The following FAM114A2 variants were observed in gnomAD, a reference collection of about 807,000 sequenced individuals.
FAM114A2 encodes the protein family with sequence similarity 114 member A2.
FAM114A2 carries 53 observed loss-of-function variants against 58.4 expected under a neutral mutation model. That is an observed-to-expected ratio of 0.91 (90% confidence interval 0.73 to 1.14). The LOEUF is 1.14. FAM114A2 is among the 50% of genes most tolerant of loss of function. The pLI is 0.00. For missense variants in FAM114A2, 601 were observed against 581.1 expected (o/e 1.03, Z -0.35); for synonymous variants, 228 against 211.4 (o/e 1.08, Z -0.68).
chr5:154,033,900 C>T lies in FAM114A2; in HGVS notation c.311-17G>A. On this transcript the variant is annotated splice_polypyrimidine_tract_variant and intron_variant, in intron 3 of 13. Transcript: ENST00000351797. ...TGCCTTGTCCTAATGAGAAAAATAA[C>T]TTTTTTTTTTGCTATTTGTCACCAA... 1.4e-6 allele frequency: 2 copies of T among 1,406,364 alleles called. No individual in the cohort carries two copies. The highest frequency in any genetic ancestry group is 1.3e-5 in the South Asian group (1 of 76,530). The allele number at this position is 1,406,364 out of a possible 1,614,324, so 87.1% of individuals were successfully genotyped here. A position where few individuals can be genotyped will look rare whatever the true frequency, so the allele number is the denominator to read the frequency against.
In FAM114A2 at chr5:154,027,067, C is replaced by T. The variant is rs928136162; in HGVS notation, c.789+109G>A. The T allele has an allele frequency of 2.1e-5, 19 of 884,144 alleles. No individual in the cohort carries two copies. The East Asian group carries it at 4.8e-4, about 22-fold the overall frequency. The allele number at this position is 884,144 out of a possible 1,614,324, so 54.8% of individuals were successfully genotyped here. ...GTAGTATTTCGAAGGCATCTCAAGCCTCTAACAAAACATACACTTCATCTT... is the reference window on the plus strand; with the variant it reads ...GTAGTATTTCGAAGGCATCTCAAGCTTCTAACAAAACATACACTTCATCTT... On this transcript the variant is annotated intron_variant, in intron 7 of 13. Coordinates refer to ENST00000351797, the MANE Select transcript of FAM114A2 (RefSeq NM_018691.4).
chr5:153,997,766 G>C (rs200022226), intron 12 of FAM114A2, 37 bp downstream of exon 12: 1 of 1,217,734 alleles, frequency 8.2e-7, no homozygotes, highest in Non-Finnish European at 1.2e-6. Flanking sequence ...AAAGAAACCA[G>C]ACAAACATTA....
chr5:154,003,177 G>GTTTTTTTTTTTTTTTT (rs1554081252), intron 9 of FAM114A2, among the ~76,000 whole-genome samples: 1 of 134,882 alleles, frequency 7.4e-6, no homozygotes. Context: ...CTAATTGGTA[G>GTTTTTTTTTTTTTTTT]TATTTTTTTT....
intron 9 of FAM114A2, among the ~76,000 whole-genome samples, chr5:154,006,689 T>TA (rs1294844553): frequency 6.6e-6 from 1 of 150,574 alleles, no homozygotes; most frequent in Non-Finnish European, 1.5e-5. Context: ...ACAAATTGAG[T>TA]AAAAAAATGA....
At chr5:154,032,212 C>A (rs1307326674) in intron 4 of FAM114A2, among the ~76,000 whole-genome samples, 1 of 152,138 alleles carries the variant, frequency 6.6e-6, no homozygotes, top group Non-Finnish European at 1.5e-5. Flanking sequence ...AGTCACCAGA[C>A]CCTCTTCAAA....
intron 8 of FAM114A2, among the ~76,000 whole-genome samples, chr5:154,012,390 T>C (rs1331645662): frequency 6.6e-6 from 1 of 152,190 alleles, no homozygotes; most frequent in Non-Finnish European, 1.5e-5. Context: ...CTGAATCCTA[T>C]ACACTCCCCA....
chr5:154,034,467 T>C, intron 2 of FAM114A2, 90 bp from the exon 3 acceptor site: 2 of 780,586 alleles, frequency 2.6e-6, no homozygotes, highest in South Asian at 3.8e-5. Flanking sequence ...TATCTAATTA[T>C]TAGCCAAAAG....
chr5:154,033,337 A>T (rs957058328), intron 4 of FAM114A2, among the ~76,000 whole-genome samples: 4 of 152,224 alleles, frequency 2.6e-5, no homozygotes, highest in African/African-American at 9.7e-5. Context: ...TTTCTGTCTG[A>T]TCAAGGCTAG....
At chr5:153,996,490 A>G (rs1769562507) in intron 12 of FAM114A2, among the ~76,000 whole-genome samples, 2 of 152,128 alleles carry the variant, frequency 1.3e-5, no homozygotes, top group Non-Finnish European at 2.9e-5. Context: ...GACACGATCA[A>G]AAAGCGAAAT....
intron 8 of FAM114A2, among the ~76,000 whole-genome samples, chr5:154,018,652 T>G (rs902478182): frequency 3.3e-5 from 5 of 152,094 alleles, no homozygotes; most frequent in African/African-American, 1.2e-4. Flanking sequence ...GATGCTAAAA[T>G]CCTTAACAAA....
chr5:154,014,967 C>T (rs1031673260), intron 8 of FAM114A2, among the ~76,000 whole-genome samples: 1 of 152,180 alleles, frequency 6.6e-6, no homozygotes, highest in Non-Finnish European at 1.5e-5. Flanking sequence ...GGGGAGCAGG[C>T]ACAGTGGGAG....
At chr5:154,025,439 CATT>C (rs1279839563) in intron 8 of FAM114A2, among the ~76,000 whole-genome samples, 1 of 151,820 alleles carries the variant, frequency 6.6e-6, no homozygotes. Flanking sequence ...AAAAAAAACT[CATT>C]ATAATTTTTA....
intron 9 of FAM114A2, 150 bp downstream of exon 9, chr5:154,011,091 G>C (rs949960860): frequency 1.7e-6 from 1 of 595,004 alleles, no homozygotes; most frequent in East Asian, 2.9e-5. Context: ...GGAGCAGAAG[G>C]CAAGTAGATG....
rs1469001855 is a variant in FAM114A2, at chr5:153,990,489, T to C, written c.*2487A>G. On this transcript the variant is annotated 3_prime_UTR_variant, in exon 14 of 14. Coordinates refer to ENST00000351797, the MANE Select transcript of FAM114A2 (RefSeq NM_018691.4). ...CATTTCAGAGGCCTGCCAACCTGGA[T>C]ATCTATGCTTAAAAAAAAAAAAAAA... The C allele has an allele frequency of 6.0e-5, 7 of 116,500 alleles. No homozygotes were observed. The highest frequency in any genetic ancestry group is 2.2e-4 in the African/African-American group (7 of 31,946). 7.2% of individuals were successfully genotyped at this position (116,500 alleles called of 1,614,324 possible). A position where few individuals can be genotyped will look rare whatever the true frequency, so the allele number is the denominator to read the frequency against.
At chr5:154,004,676 C>A (rs1416493048) in intron 9 of FAM114A2, among the ~76,000 whole-genome samples, 1 of 152,160 alleles carries the variant, frequency 6.6e-6, no homozygotes, top group Non-Finnish European at 1.5e-5. Context: ...TCCTCTCCAA[C>A]CAATCACCAA....
chr5:154,034,993 A>AC, intron 1 of FAM114A2, 26 bp from the exon 2 acceptor site: 2 of 1,447,678 alleles, frequency 1.4e-6, no homozygotes, highest in South Asian at 2.4e-5. Context: ...CCCAAAAAAA[A>AC]TTTATATAGG....
At chr5:154,010,792 C>T (rs1304714960) in intron 9 of FAM114A2, among the ~76,000 whole-genome samples, 2 of 152,134 alleles carry the variant, frequency 1.3e-5, no homozygotes, top group East Asian at 3.9e-4. Flanking sequence ...CTCATTTCCA[C>T]ACGCCAAATA....
chr5:153,995,469 T>C (rs1056509974), intron 12 of FAM114A2, among the ~76,000 whole-genome samples: 1 of 152,114 alleles, frequency 6.6e-6, no homozygotes, highest in African/African-American at 2.4e-5. Context: ...CCCAGATCCT[T>C]TTGTCAAGAA....
At chr5:154,002,629 T>A (rs1248145120) in intron 10 of FAM114A2, among the ~76,000 whole-genome samples, 3 of 152,236 alleles carry the variant, frequency 2.0e-5, no homozygotes, top group African/African-American at 7.2e-5. Flanking sequence ...GGCAGCAGTT[T>A]CTGGGAACCT....
Sources: gnomAD v4.1 joint callset for allele counts (sites outside exome capture counted in the v4.1 genomes callset) on GRCh38, gnomAD v4.1.1 for gene constraint, MANE v1.5 for transcripts, NCBI Gene and HGNC (gene_info 2026-07-23, HGNC 2026-07-21) for gene names.